The following LMBRD1 variants were observed in gnomAD, a reference collection of about 807,000 sequenced individuals.
LMBRD1 encodes LMBR1 domain containing 1, also known as lysosomal cobalamin transport escort protein LMBD1.
Under a neutral mutation model 74.8 loss-of-function variants are expected in LMBRD1, and 64 were observed. The ratio of observed to expected loss-of-function variants is 0.86; its 90% CI spans 0.70 to 1.05. The LOEUF (loss-of-function observed/expected upper bound fraction) is 1.05, where lower values mean the gene tolerates loss of function less well. LMBRD1 is among the 50% of genes least tolerant of loss of function. The pLI, the probability that LMBRD1 is intolerant of heterozygous loss-of-function variation, is 0.00. For missense variants in LMBRD1, 652 were observed against 645.9 expected (o/e 1.01, Z -0.10); for synonymous variants, 204 against 216.3 (o/e 0.94, Z 0.50).
chr6:69,711,860 C>T (rs553535478), intron 9 of LMBRD1, among the ~76,000 whole-genome samples: 2 of 151,944 alleles, frequency 1.3e-5, no homozygotes, highest in African/African-American at 2.4e-5. Flanking sequence ...TTTAAGTTCA[C>T]GGGTACAAAT....
chr6:69,762,843 C>T lies in LMBRD1; in HGVS notation c.308-10487G>A, dbSNP rs75470341. On this transcript the variant is annotated intron_variant, in intron 3 of 15. Transcript: ENST00000649934. ...ATCTACAAGCAAGGAAAAGGGTCTC[C>T]GCCAGGACTGAAGTTGTTGAGACCT... Among the ~76,000 whole-genome samples the T allele has an allele frequency of 7.1e-3, 1,079 of 152,196 alleles. 23 individuals carry two copies. In the East Asian group the frequency reaches 0.079, roughly 11 times the overall value.
At chr6:69,723,146 C>T (rs748470821) in intron 7 of LMBRD1, among the ~76,000 whole-genome samples, 1 of 151,996 alleles carries the variant, frequency 6.6e-6, no homozygotes, top group African/African-American at 2.4e-5. Flanking sequence ...TATAAATGCA[C>T]CCAACACTGG....
chr6:69,767,340 A>G (rs113625983), intron 3 of LMBRD1, among the ~76,000 whole-genome samples: 1 of 151,718 alleles, frequency 6.6e-6, no homozygotes, highest in African/African-American at 2.4e-5. Flanking sequence ...TAAAGCTGCA[A>G]ATTATCCTCT....
At chr6:69,764,929 T>A (rs1582138484) in intron 3 of LMBRD1, among the ~76,000 whole-genome samples, 1 of 59,188 alleles carries the variant, frequency 1.7e-5, no homozygotes, top group Non-Finnish European at 4.4e-5. Context: ...ATTTCTTTTC[T>A]TTTTTTTTTT....
chr6:69,753,919 CGA>C (rs1296644355), intron 3 of LMBRD1, among the ~76,000 whole-genome samples: 1 of 145,996 alleles, frequency 6.8e-6, no homozygotes, highest in Non-Finnish European at 1.5e-5. Context: ...CCAGCCTGGG[CGA>C]GAGAGAGACT....
chr6:69,776,352 C>T (rs1307450729), intron 3 of LMBRD1, among the ~76,000 whole-genome samples: 2 of 152,136 alleles, frequency 1.3e-5, no homozygotes, highest in African/African-American at 4.8e-5. Context: ...AGAGTTTAAA[C>T]CTTTTTGATC....
intron 14 of LMBRD1, among the ~76,000 whole-genome samples, chr6:69,676,956 G>C (rs934971269): frequency 7.2e-5 from 11 of 152,182 alleles, no homozygotes; most frequent in African/African-American, 2.7e-4. Flanking sequence ...AGTTGCACTT[G>C]TAGGGGCAGA....
Position 69,770,153 on chromosome 6 carries a change from C to T in LMBRD1, c.307+10341G>A, listed in dbSNP as rs376692517. Among the ~76,000 whole-genome samples the T allele has an allele frequency of 2.6e-5, 4 of 152,294 alleles. No individual in the cohort carries two copies. The East Asian group carries it at 7.7e-4, about 29-fold the overall frequency. On this transcript the variant is annotated intron_variant, in intron 3 of 15. Transcript: ENST00000649934. Reference sequence around the variant, plus strand: ...CTAGTAGAATCCTGGGTCCTCTCCGCTCACCTGACTCCAAGATTGTCACTT... The same window carrying T: ...CTAGTAGAATCCTGGGTCCTCTCCGTTCACCTGACTCCAAGATTGTCACTT...
chr6:69,713,737 T>C lies in LMBRD1; in HGVS notation c.823A>G (p.Arg275Gly). 2.5e-6 allele frequency: 4 copies of C among 1,613,750 alleles called. No homozygotes were observed. Among genetic ancestry groups the C allele is most frequent in the Non-Finnish European group, 3.4e-6 (4 of 1,179,756 alleles). Residue 275 changes from arginine to glycine, a missense_variant, in exon 9 of 16, where the codon AGG becomes GGG. Transcript: ENST00000649934. Reference sequence around the variant, plus strand: ...TCTCTCTTCTTAAGTGTTCGTAACCTTTCTTCAAATTGTTTTAAGGCGCGT... The same window carrying C: ...TCTCTCTTCTTAAGTGTTCGTAACCCTTCTTCAAATTGTTTTAAGGCGCGT... The part of the protein sequence containing the change: ...DKRALKQFEE[R>G]LRTLKKRERH...
intron 7 of LMBRD1, among the ~76,000 whole-genome samples, chr6:69,734,935 G>A (rs1284765158): frequency 6.6e-6 from 1 of 152,090 alleles, no homozygotes; most frequent in Non-Finnish European, 1.5e-5. Flanking sequence ...TTAAATTAAG[G>A]AATAAATGTT....
chr6:69,780,455 T>C, intron 3 of LMBRD1, 39 bp downstream of exon 3: 1 of 1,454,554 alleles, frequency 6.9e-7, no homozygotes, highest in South Asian at 1.1e-5. Context: ...GTATTTTGGT[T>C]AGCAGTCCAA....
At chr6:69,744,740 C>A (rs752541895) in intron 5 of LMBRD1, among the ~76,000 whole-genome samples, 1 of 152,158 alleles carries the variant, frequency 6.6e-6, no homozygotes, top group East Asian at 1.9e-4. Context: ...CTCACCTGAA[C>A]TTATATAATG....
chr6:69,796,724 TC>T, intron 1 of LMBRD1, 88 bp downstream of exon 1: 3 of 1,240,730 alleles, frequency 2.4e-6, no homozygotes, highest in Non-Finnish European at 3.5e-6. Context: ...GAAGAGGGTC[TC>T]CGGGGCCCGG....
chr6:69,764,803 A>G (rs184660449), intron 3 of LMBRD1, among the ~76,000 whole-genome samples: 1 of 152,312 alleles, frequency 6.6e-6, no homozygotes, highest in Admixed American at 6.5e-5. Context: ...TTTGAAAGAC[A>G]AAGATTTAAT....
At chr6:69,715,375 C>T (rs1033671570) in intron 8 of LMBRD1, among the ~76,000 whole-genome samples, 3 of 152,080 alleles carry the variant, frequency 2.0e-5, no homozygotes, top group Non-Finnish European at 2.9e-5. Flanking sequence ...TTGGTGAATG[C>T]TTCAGTGGAA....
chr6:69,782,431 C>A (rs1765856286), intron 2 of LMBRD1, among the ~76,000 whole-genome samples: 2 of 152,166 alleles, frequency 1.3e-5, no homozygotes, highest in South Asian at 4.1e-4. Flanking sequence ...GTTTATTCTA[C>A]CTGCAAGACC....
At chr6:69,778,168 C>T (rs578231658) in intron 3 of LMBRD1, among the ~76,000 whole-genome samples, 23 of 152,266 alleles carry the variant, frequency 1.5e-4, no homozygotes, top group African/African-American at 4.8e-4. Flanking sequence ...CATAATCTGG[C>T]TTTTTAAACA....
intron 14 of LMBRD1, among the ~76,000 whole-genome samples, chr6:69,685,848 T>A (rs1208495486): frequency 6.6e-6 from 1 of 151,996 alleles, no homozygotes; most frequent in Admixed American, 6.6e-5. Flanking sequence ...GCAATCTCGG[T>A]TTCACAAATC....
chr6:69,790,733 C>T (rs1259842824), intron 1 of LMBRD1: 5 of 458,310 alleles, frequency 1.1e-5, no homozygotes, highest in Non-Finnish European at 2.0e-5. Context: ...TCATTAAACA[C>T]AGTGCAAACG....
Sources: gnomAD v4.1 joint callset for allele counts (sites outside exome capture counted in the v4.1 genomes callset) on GRCh38, gnomAD v4.1.1 for gene constraint, MANE v1.5 for transcripts, NCBI Gene and HGNC (gene_info 2026-07-23, HGNC 2026-07-21) for gene names.